ADGRF5: variants seen among roughly 807,000 people sequenced by gnomAD.
The protein encoded by ADGRF5 is G-protein coupled receptor 116.
A neutral mutation model predicts 132.3 loss-of-function variants in ADGRF5; 75 were observed. That is an observed-to-expected ratio of 0.57 (90% CI 0.47 to 0.69). The LOEUF (loss-of-function observed/expected upper bound fraction) is 0.69, where lower values mean the gene tolerates loss of function less well. Ranked by LOEUF, ADGRF5 falls within the 30% of genes least tolerant of loss-of-function variation. The probability of loss-of-function intolerance (pLI) is 0.00; values close to 1 mark genes in which losing one functional copy is unlikely to be tolerated. For missense variants in ADGRF5, 1,516 were observed against 1,630.6 expected, an observed-to-expected ratio of 0.93 and a Z score of 1.21; for synonymous variants, 629 against 597.6, an observed-to-expected ratio of 1.05 and a Z score of -0.77.
At chr6:46,938,423 C>T (rs1777929204) in intron 1 of ADGRF5, among the ~76,000 whole-genome samples, 1 of 152,114 alleles carries the variant, frequency 6.6e-6, no homozygotes, top group South Asian at 2.1e-4. Flanking sequence ...TCTTGGAAGC[C>T]AATGAGAATG....
chr6:46,865,114 C>T lies in ADGRF5; in HGVS notation c.1918G>A (p.Val640Met), dbSNP rs750907945. The change falls in exon 14 of 21, where the codon GTG becomes ATG. Residue 640 changes from valine to methionine, a missense_variant. Val to Met is a conservative substitution (Grantham distance 21, BLOSUM62 1). This residue lies in a region of ADGRF5 where 945 missense variants were observed against 929.4 expected (regional missense o/e 1.02). Transcript: ENST00000283296. ...SVSWCSKTVD[V>M]CCHFTNAANN... The stretch of plus-strand genomic sequence containing the variant: ...GCAGCATTGGTAAAGTGACAACACA[C>T]ATCAACAGTTTTTGAACACCAGGAA... The T allele has an allele frequency of 9.3e-6, 15 of 1,610,426 alleles. No individual in the cohort carries two copies. Among genetic ancestry groups the T allele is most frequent in the East Asian group, 2.2e-5 (1 of 44,860 alleles).
chr6:46,854,751 C>T (rs1768845222), intron 20 of ADGRF5: 1 of 1,287,092 alleles, frequency 7.8e-7, no homozygotes, highest in African/African-American at 1.5e-5. Flanking sequence ...AACAAGGTTT[C>T]CGTCATGGCC....
At chr6:46,879,007 G>A (rs1772140821) in intron 9 of ADGRF5, among the ~76,000 whole-genome samples, 1 of 152,142 alleles carries the variant, frequency 6.6e-6, no homozygotes, top group Non-Finnish European at 1.5e-5. Flanking sequence ...AATTTGGTGA[G>A]GGCAGGGAGA....
intron 1 of ADGRF5, among the ~76,000 whole-genome samples, chr6:46,941,621 T>C (rs552112321): frequency 6.6e-6 from 1 of 151,794 alleles, no homozygotes; most frequent in African/African-American, 2.4e-5. Context: ...TGTGCACAAA[T>C]GTTTAATAAC....
In ADGRF5 at chr6:46,878,285, G is replaced by C; in HGVS notation, c.1157C>G (p.Pro386Arg). The C allele has an allele frequency of 6.2e-7, 1 of 1,613,674 alleles. No homozygotes were observed. Among genetic ancestry groups the C allele is most frequent in the Non-Finnish European group, 8.5e-7 (1 of 1,179,640 alleles). ...CTGACTGCAGCAGTTCAAAGATACA[G>C]GATTGTTGTCGCACATCACCTTCAT... ...EEMKVMCDNNPVSLNCCSQGN... is the reference protein window; with the variant it reads ...EEMKVMCDNNRVSLNCCSQGN... The change falls in exon 10 of 21, where the codon CCT becomes CGT. Residue 386 changes from proline (P) to arginine (R), a missense_variant. Pro to Arg is a moderately radical substitution (Grantham distance 103, BLOSUM62 -2). Transcript: ENST00000283296.
At chr6:46,953,685 A>ATATATATATATATATATATATATATC (rs1326327311) in intron 1 of ADGRF5, among the ~76,000 whole-genome samples, 3 of 126,952 alleles carry the variant, frequency 2.4e-5, no homozygotes, top group African/African-American at 8.5e-5. Flanking sequence ...ATATATATAT[A>ATATATATATATATATATATATATATC]TATATCTCAC....
At chr6:46,865,310 C>T (rs1369681685) in intron 13 of ADGRF5, 113 bp from the exon 14 acceptor site, 1 of 708,684 alleles carries the variant, frequency 1.4e-6, no homozygotes, top group East Asian at 2.7e-5. Flanking sequence ...GAGGAATGTG[C>T]CACATTCATT....
intron 1 of ADGRF5, among the ~76,000 whole-genome samples, chr6:46,945,639 A>G (rs1778275293): frequency 6.6e-6 from 1 of 152,218 alleles, no homozygotes; most frequent in Non-Finnish European, 1.5e-5. Context: ...CTGCACAGGG[A>G]TGGGGTGACC....
At chr6:46,932,313 G>A (rs1171503329) in intron 1 of ADGRF5, among the ~76,000 whole-genome samples, 1 of 152,064 alleles carries the variant, frequency 6.6e-6, no homozygotes, top group African/African-American at 2.4e-5. Flanking sequence ...AAACTAAAAC[G>A]CTAGGTAACT....
chr6:46,883,526 G>T, intron 6 of ADGRF5, 33 bp downstream of exon 6: 1 of 1,061,228 alleles, frequency 9.4e-7, no homozygotes, highest in Non-Finnish European at 1.5e-6. Context: ...CAAACAGTTT[G>T]TTAGTTAAGA....
rs968064102 is a variant in ADGRF5, at chr6:46,860,594, T to C, written c.2379+121A>G. On this transcript the variant is annotated intron_variant, in intron 16 of 20. Transcript: ENST00000283296. ...AAAGCCATAGCTGGCAGAACTATCC[T>C]GAGCACTGCTCTGGAAAAGACAGAG... 3 of 649,722 alleles carry C rather than the reference T, an allele frequency of 4.6e-6. No homozygotes were observed. In the African/African-American group the frequency reaches 5.4e-5, roughly 12 times the overall value. 40.2% of individuals were successfully genotyped at this position (649,722 alleles called of 1,614,324 possible).
rs1231468204 is a variant in ADGRF5, at chr6:46,859,126, G to T, written c.2777C>A (p.Thr926Asn). The change falls in exon 17 of 21, where the codon ACC (threonine) becomes AAC (asparagine). Residue 926 changes from threonine to asparagine, a missense_variant. This residue lies in a region of ADGRF5 where 571 missense variants were observed against 701.2 expected (regional missense o/e 0.81). Coordinates refer to ENST00000283296, the MANE Select transcript of ADGRF5 (RefSeq NM_001098518.2). ...CATAGTTGTATTGTGGCTGACAGTG[G>T]TTGTCATCACTAAGCTCTCTGCAAA... is the stretch of plus-strand genomic sequence containing the variant. ...NNFAESLVMT[T>N]TVSHNTTMPF... 1 of 1,614,004 alleles carries T rather than the reference G, an allele frequency of 6.2e-7. No homozygotes were observed. Among genetic ancestry groups the T allele is most frequent in the Admixed American group, 1.7e-5 (1 of 60,004 alleles).
chr6:46,941,466 G>GAAAAGAAAGA (rs66918453), intron 1 of ADGRF5, among the ~76,000 whole-genome samples: 3 of 28,006 alleles, frequency 1.1e-4, no homozygotes, highest in African/African-American at 1.9e-4. Flanking sequence ...GAAAAGAAAA[G>GAAAAGAAAGA]AAAGAAAAGA....
At chr6:46,882,409 G>C (rs1456184038) in intron 6 of ADGRF5, among the ~76,000 whole-genome samples, 1 of 152,192 alleles carries the variant, frequency 6.6e-6, no homozygotes. Context: ...AAATGAAAGA[G>C]AGGGAAGGAA....
At chr6:46,915,288 TTAATAATAA>T (rs76660188) in intron 1 of ADGRF5, among the ~76,000 whole-genome samples, 11 of 149,538 alleles carry the variant, frequency 7.4e-5, no homozygotes, top group Admixed American at 2.0e-4. Context: ...CTTGACTATT[TTAATAATAA>T]TAATAATAAT....
chr6:46,944,101 A>G (rs757914022), intron 1 of ADGRF5, among the ~76,000 whole-genome samples: 9 of 152,338 alleles, frequency 5.9e-5, no homozygotes, highest in African/African-American at 1.4e-4. Flanking sequence ...AGTGGTCTCC[A>G]TCCTCTTTGG....
intron 1 of ADGRF5, among the ~76,000 whole-genome samples, chr6:46,920,114 A>G (rs1027011629): frequency 6.6e-6 from 1 of 152,204 alleles, no homozygotes; most frequent in Non-Finnish European, 1.5e-5. Context: ...TCTAGCTATT[A>G]TCTATCTAGT....
chr6:46,941,414 A>AAGAAAAGAAAAGAAAAG (rs1561838679), intron 1 of ADGRF5, among the ~76,000 whole-genome samples: 5 of 42,496 alleles, frequency 1.2e-4, no homozygotes, highest in African/African-American at 4.7e-4. Flanking sequence ...AAGAAAAGAA[A>AAGAAAAGAAAAGAAAAG]AGAAAAGAAA....
intron 3 of ADGRF5, among the ~76,000 whole-genome samples, chr6:46,890,090 T>C (rs185931914): frequency 1.8e-3 from 277 of 152,112 alleles, no homozygotes; most frequent in African/African-American, 6.5e-3. Context: ...ACAGATAAAT[T>C]GAGAATATTT....
Sources: gnomAD v4.1 joint callset for allele counts (sites outside exome capture counted in the v4.1 genomes callset) on GRCh38, gnomAD v4.1.1 for gene constraint, gnomAD v4.1.1 regional missense constraint, MANE v1.5 for transcripts, NCBI Gene and HGNC (gene_info 2026-07-23, HGNC 2026-07-21) for gene names.